The following SGCZ variants were observed in gnomAD, a reference collection of about 807,000 sequenced individuals.
The protein encoded by SGCZ is zeta-sarcoglycan.
SGCZ carries 40 observed loss-of-function variants against 41.3 expected under a neutral mutation model. The observed-to-expected ratio is 0.97, with a 90% CI of 0.75 to 1.26. SGCZ has a LOEUF of 1.26. SGCZ is among the 50% of genes most tolerant of loss of function. SGCZ has a pLI of 0.00. For missense variants in SGCZ, 552 were observed against 369.8 expected, an observed-to-expected ratio of 1.49 and a Z score of -4.04; for synonymous variants, 206 against 137.5, an observed-to-expected ratio of 1.50 and a Z score of -3.49.
At chr8:14,219,114 G>C (rs1806100592) in intron 4 of SGCZ, among the ~76,000 whole-genome samples, 1 of 152,158 alleles carries the variant, frequency 6.6e-6, no homozygotes, top group African/African-American at 2.4e-5. Context: ...GCAACAATGA[G>C]CCATTTCTCA....
intron 4 of SGCZ, among the ~76,000 whole-genome samples, chr8:14,234,934 T>C (rs1418498684): frequency 6.6e-6 from 1 of 152,148 alleles, no homozygotes; most frequent in African/African-American, 2.4e-5. Context: ...ACAGATACAC[T>C]GAATAGAAAA....
intron 5 of SGCZ, among the ~76,000 whole-genome samples, chr8:14,157,421 A>C (rs1803912252): frequency 6.7e-6 from 1 of 148,588 alleles, no homozygotes. Flanking sequence ...GCATCTCCCA[A>C]CTGGCTCATA....
intron 3 of SGCZ, among the ~76,000 whole-genome samples, chr8:14,245,067 T>C (rs1799037198): frequency 6.6e-6 from 1 of 152,210 alleles, no homozygotes; most frequent in African/African-American, 2.4e-5. Context: ...CCTCTTTTCC[T>C]AATTGAATAC....
intron 3 of SGCZ, among the ~76,000 whole-genome samples, chr8:14,305,281 C>A (rs571895791): frequency 2.6e-5 from 4 of 152,196 alleles, no homozygotes; most frequent in Non-Finnish European, 5.9e-5. Flanking sequence ...AGATGCCTTA[C>A]AATTAACATT....
chr8:14,830,862 T>C (rs1363766582), intron 1 of SGCZ, among the ~76,000 whole-genome samples: 2 of 152,144 alleles, frequency 1.3e-5, no homozygotes, highest in Non-Finnish European at 2.9e-5. Flanking sequence ...AAAAAGTCTT[T>C]GAAAACTGGT....
chr8:14,883,509 CTTATT>C lies in SGCZ; in HGVS notation c.40-328588_40-328584del, dbSNP rs1356026241. 1.3e-4 allele frequency among the ~76,000 whole-genome samples: 20 copies of C among 152,106 alleles called. No individual in the cohort carries two copies. The East Asian group carries it at 3.5e-3, about 26-fold the overall frequency. Reference sequence around the variant, plus strand: ...AAAACTAAGAGTTACTGATCCAATCCTTATTTTATTTAGTAATGACAAAGGGCCAG... The same window carrying C: ...AAAACTAAGAGTTACTGATCCAATCCTTATTTAGTAATGACAAAGGGCCAG... On this transcript the variant is annotated intron_variant, in intron 1 of 7. Coordinates refer to ENST00000382080, the MANE Select transcript of SGCZ (RefSeq NM_139167.4).
intron 2 of SGCZ, among the ~76,000 whole-genome samples, chr8:14,383,650 G>A (rs936081112): frequency 1.3e-4 from 20 of 152,202 alleles, no homozygotes; most frequent in African/African-American, 4.8e-4. Context: ...TAAATTTTGA[G>A]AAGTGACAAA....
chr8:14,917,959 T>C (rs1799486387), intron 1 of SGCZ, among the ~76,000 whole-genome samples: 1 of 152,186 alleles, frequency 6.6e-6, no homozygotes, highest in Admixed American at 6.5e-5. Context: ...AATATTAGGC[T>C]AGTTGCTATT....
At chr8:14,182,544 G>T (rs1326643512) in intron 4 of SGCZ, among the ~76,000 whole-genome samples, 1 of 152,104 alleles carries the variant, frequency 6.6e-6, no homozygotes, top group Non-Finnish European at 1.5e-5. Context: ...TTTGGTCTCT[G>T]CTCCTTCTCA....
intron 1 of SGCZ, among the ~76,000 whole-genome samples, chr8:15,221,678 C>A (rs1801607827): frequency 6.6e-6 from 1 of 152,120 alleles, no homozygotes; most frequent in Admixed American, 6.6e-5. Context: ...ATGCTGAAAA[C>A]CCATCAATGT....
chr8:14,799,312 A>G (rs1274762874), intron 1 of SGCZ, among the ~76,000 whole-genome samples: 1 of 152,176 alleles, frequency 6.6e-6, no homozygotes, highest in Non-Finnish European at 1.5e-5. Context: ...GCTCTTGAGC[A>G]AAAAGTTGGA....
intron 1 of SGCZ, among the ~76,000 whole-genome samples, chr8:14,880,264 C>T (rs1033645010): frequency 2.0e-5 from 3 of 152,176 alleles, no homozygotes; most frequent in Non-Finnish European, 4.4e-5. Context: ...TACCATCTCA[C>T]ACCAGTTAGA....
Position 14,980,603 on chromosome 8 carries a change from C to G in SGCZ, c.39+256982G>C, listed in dbSNP as rs532267008. Among the ~76,000 whole-genome samples the G allele has an allele frequency of 1.1e-4, 16 of 152,226 alleles. No individual in the cohort carries two copies. The South Asian group carries it at 2.9e-3, about 28-fold the overall frequency. ...GCACAGAGGAGCAAGTCACGTCTTA[C>G]GTGAATGGCAGCAGGCAAAGAGAGA... On this transcript the variant is annotated intron_variant, in intron 1 of 7. Coordinates refer to ENST00000382080, the MANE Select transcript of SGCZ (RefSeq NM_139167.4).
intron 1 of SGCZ, among the ~76,000 whole-genome samples, chr8:15,032,615 C>G (rs547851361): frequency 6.6e-6 from 1 of 152,246 alleles, no homozygotes; most frequent in East Asian, 1.9e-4. Context: ...ACTGGGCTGA[C>G]CCCAGAAACT....
intron 4 of SGCZ, among the ~76,000 whole-genome samples, chr8:14,225,187 T>C (rs900282752): frequency 1.6e-4 from 24 of 152,056 alleles, no homozygotes; most frequent in African/African-American, 5.3e-4. Context: ...ATGAAGATGA[T>C]AGATAATTTC....
At chr8:14,440,014 C>G (rs1467543186) in intron 2 of SGCZ, among the ~76,000 whole-genome samples, 1 of 151,874 alleles carries the variant, frequency 6.6e-6, no homozygotes, top group Non-Finnish European at 1.5e-5. Context: ...AAAAAATTAG[C>G]CTCATAAATT....
chr8:14,239,911 A>C lies in SGCZ; in HGVS notation c.337-2232T>G, dbSNP rs1437329422. 4.3e-3 allele frequency among the ~76,000 whole-genome samples: 22 copies of C among 5,104 alleles called. 3 individuals carry two copies. Among genetic ancestry groups the C allele is most frequent in the East Asian group, 0.019 (2 of 104 alleles). 3.3% of individuals were successfully genotyped at this position (5,104 alleles called of 152,430 possible). On this transcript the variant is annotated intron_variant, in intron 3 of 7. Coordinates refer to ENST00000382080, the MANE Select transcript of SGCZ (RefSeq NM_139167.4). ...AGCGAGACTCCGTCTCAAAAAAAAA[A>C]AAAAAAAAAAAAAAAAAAAAAAAAA...
chr8:14,272,878 T>G (rs750098442), intron 3 of SGCZ, among the ~76,000 whole-genome samples: 16 of 152,168 alleles, frequency 1.1e-4, no homozygotes, highest in Non-Finnish European at 2.2e-4. Flanking sequence ...ATGTAAAAAT[T>G]TTTATATTAG....
chr8:15,184,416 C>T (rs1396166333), intron 1 of SGCZ, among the ~76,000 whole-genome samples: 1 of 152,160 alleles, frequency 6.6e-6, no homozygotes, highest in African/African-American at 2.4e-5. Context: ...AAAAGGCTGC[C>T]TAATTTAAAA....
Sources: gnomAD v4.1 joint callset for allele counts (sites outside exome capture counted in the v4.1 genomes callset) on GRCh38, gnomAD v4.1.1 for gene constraint, MANE v1.5 for transcripts, NCBI Gene and HGNC (gene_info 2026-07-23, HGNC 2026-07-21) for gene names.